Variants in DNAJC5B observed in about 807,000 individuals in gnomAD.
DNAJC5B encodes the protein DnaJ heat shock protein family (Hsp40) member C5 beta, also known as dnaJ homolog subfamily C member 5B.
In DNAJC5B, 23 loss-of-function variants were observed where a neutral mutation model predicts 24.7. The ratio of observed to expected loss-of-function variants is 0.93; its 90% CI spans 0.67 to 1.32. The LOEUF (loss-of-function observed/expected upper bound fraction) is 1.32, where lower values mean the gene tolerates loss of function less well. DNAJC5B is among the 40% of genes most tolerant of loss of function. The pLI is 0.00. For synonymous variants in DNAJC5B, 101 were observed against 90.1 expected (o/e 1.12, Z -0.68); for missense variants, 238 against 240.8 (o/e 0.99, Z 0.08).
At chr8:66,066,968 T>C (rs1037215660) in intron 3 of DNAJC5B, among the ~76,000 whole-genome samples, 5 of 151,522 alleles carry the variant, frequency 3.3e-5, no homozygotes, top group Middle Eastern at 3.4e-3. Context: ...GTGAAGAAAT[T>C]TTTAAAAAGC....
At chr8:66,031,777 G>C (rs760973308) in intron 1 of DNAJC5B, among the ~76,000 whole-genome samples, 43 of 152,166 alleles carry the variant, frequency 2.8e-4, no homozygotes, top group Non-Finnish European at 5.4e-4. Context: ...CACAGTGAGG[G>C]TGGGGTGGGG....
intron 5 of DNAJC5B, among the ~76,000 whole-genome samples, chr8:66,094,597 C>T (rs1184218517): frequency 6.6e-6 from 1 of 151,980 alleles, no homozygotes; most frequent in Non-Finnish European, 1.5e-5. Context: ...TTTGATTCTT[C>T]CCCTCCATCT....
intron 3 of DNAJC5B, among the ~76,000 whole-genome samples, chr8:66,052,825 T>G (rs1212136152): frequency 2.0e-5 from 3 of 152,226 alleles, no homozygotes; most frequent in Admixed American, 6.5e-5. Context: ...CTTGGCTAGT[T>G]GGAGGAAGAA....
chr8:66,077,360 AAT>A, intron 4 of DNAJC5B, among the ~76,000 whole-genome samples: 1 of 152,102 alleles, frequency 6.6e-6, no homozygotes. Flanking sequence ...AAAAGGTGAG[AAT>A]TTACTAGTGG....
intron 5 of DNAJC5B, among the ~76,000 whole-genome samples, chr8:66,088,349 G>A (rs1238836065): frequency 6.6e-6 from 1 of 152,098 alleles, no homozygotes; most frequent in Non-Finnish European, 1.5e-5. Flanking sequence ...TTTCTCCTAG[G>A]CCTCCAGGCT....
At chr8:66,062,701 C>A (rs1339072161) in intron 3 of DNAJC5B, among the ~76,000 whole-genome samples, 2 of 152,124 alleles carry the variant, frequency 1.3e-5, no homozygotes, top group South Asian at 4.1e-4. Context: ...GTGGCTGTTG[C>A]CTGTAATCCC....
chr8:66,036,403 A>G (rs1806485787), intron 1 of DNAJC5B, among the ~76,000 whole-genome samples: 1 of 152,194 alleles, frequency 6.6e-6, no homozygotes, highest in Admixed American at 6.5e-5. Flanking sequence ...CTTACAAAAA[A>G]ACCAGATTTT....
intron 1 of DNAJC5B, among the ~76,000 whole-genome samples, chr8:66,038,831 C>T (rs184085974): frequency 2.0e-5 from 3 of 152,296 alleles, no homozygotes; most frequent in East Asian, 3.9e-4. Flanking sequence ...ACAGCAATTG[C>T]TTACTGTAAG....
At chr8:66,093,888 G>C (rs1421838001) in intron 5 of DNAJC5B, among the ~76,000 whole-genome samples, 1 of 152,076 alleles carries the variant, frequency 6.6e-6, no homozygotes, top group Non-Finnish European at 1.5e-5. Flanking sequence ...ACCTGGAATT[G>C]ATTTTTACAT....
chr8:66,060,856 C>T (rs996861919), intron 3 of DNAJC5B, among the ~76,000 whole-genome samples: 1 of 152,160 alleles, frequency 6.6e-6, no homozygotes, highest in Non-Finnish European at 1.5e-5. Context: ...TGGCCACTGT[C>T]CTAGGTAAAA....
chr8:66,045,833 C>T (rs1806710849), intron 2 of DNAJC5B, among the ~76,000 whole-genome samples: 1 of 152,202 alleles, frequency 6.6e-6, no homozygotes, highest in Non-Finnish European at 1.5e-5. Context: ...AGGATTCAGG[C>T]ACCCTCAACT....
At chr8:66,078,563 A>C (rs1173930398) in intron 4 of DNAJC5B, among the ~76,000 whole-genome samples, 1 of 152,168 alleles carries the variant, frequency 6.6e-6, no homozygotes, top group Non-Finnish European at 1.5e-5. Context: ...AGAGAAGAGA[A>C]TAATATGGGA....
chr8:66,082,320 A>G (rs759483125), intron 5 of DNAJC5B, among the ~76,000 whole-genome samples: 37 of 151,982 alleles, frequency 2.4e-4, no homozygotes, highest in Admixed American at 3.3e-4. Context: ...CCTAGGTTCA[A>G]TCTAGGATTG....
At chr8:66,038,129 C>T (rs1251181806) in intron 1 of DNAJC5B, among the ~76,000 whole-genome samples, 2 of 152,232 alleles carry the variant, frequency 1.3e-5, no homozygotes, top group Non-Finnish European at 2.9e-5. Context: ...GGTAGCAGAT[C>T]ATTTGGATTC....
At chr8:66,045,218 T>C (rs1036591577) in intron 2 of DNAJC5B, among the ~76,000 whole-genome samples, 1 of 152,256 alleles carries the variant, frequency 6.6e-6, no homozygotes, top group Admixed American at 6.5e-5. Context: ...ACTTCCCACA[T>C]TGACCAACTA....
chr8:66,047,369 G>T (rs1055238107), intron 2 of DNAJC5B, among the ~76,000 whole-genome samples: 4 of 152,192 alleles, frequency 2.6e-5, no homozygotes, highest in African/African-American at 7.2e-5. Flanking sequence ...AGAAGAACCT[G>T]ACACTGTCAG....
At chr8:66,032,230 G>T (rs1806374717) in intron 1 of DNAJC5B, among the ~76,000 whole-genome samples, 1 of 152,160 alleles carries the variant, frequency 6.6e-6, no homozygotes, top group Non-Finnish European at 1.5e-5. Context: ...CTCCCCACAG[G>T]CCCTGAGGGT....
intron 3 of DNAJC5B, among the ~76,000 whole-genome samples, chr8:66,074,356 C>T (rs1446731659): frequency 3.3e-5 from 5 of 152,178 alleles, no homozygotes; most frequent in Non-Finnish European, 7.3e-5. Flanking sequence ...AATTATGTCA[C>T]TGCCTCAAAA....
chr8:66,019,262 C>G (rs1020044373), upstream of DNAJC5B, among the ~76,000 whole-genome samples: 8 of 152,192 alleles, frequency 5.3e-5, no homozygotes, highest in Non-Finnish European at 8.8e-5. Context: ...GGTGACCTTT[C>G]AAGCAAGTTT....
Sources: gnomAD v4.1 joint callset for allele counts (sites outside exome capture counted in the v4.1 genomes callset) on GRCh38, gnomAD v4.1.1 for gene constraint, MANE v1.5 for transcripts, NCBI Gene and HGNC (gene_info 2026-07-23, HGNC 2026-07-21) for gene names.